The following PLCB4 variants were observed in gnomAD, a reference collection of about 807,000 sequenced individuals.
PLCB4 encodes phospholipase C beta 4.
Under a neutral mutation model 178.8 loss-of-function variants are expected in PLCB4, and 77 were observed. The observed-to-expected ratio is 0.43, with a 90% CI of 0.36 to 0.52. PLCB4 has a LOEUF of 0.52. PLCB4 is among the 20% of genes least tolerant of loss of function. The pLI is 0.00. For synonymous variants in PLCB4, 496 were observed against 490.8 expected, an observed-to-expected ratio of 1.01 and a Z score of -0.14; for missense variants, 1,024 against 1,453.4, an observed-to-expected ratio of 0.70 and a Z score of 4.80.
At position 9,184,540 on chromosome 20, in the gene PLCB4, T is replaced by G. The variant is rs1008288132; in HGVS notation, c.-78-32850T>G. ...CTATGCTCATAGGTTTTATGTTGTT[T>G]TGAAATTAAATTAATATAGAAAGGA... is the stretch of plus-strand genomic sequence containing the variant. On this transcript the variant is annotated intron_variant, in intron 2 of 39. Transcript: ENST00000378473. Among the ~76,000 whole-genome samples, 3 of 151,832 alleles carry G rather than the reference T, an allele frequency of 2.0e-5. No individual in the cohort carries two copies. In the Middle Eastern group the frequency reaches 0.01, roughly 516 times the overall value.
At chr20:9,229,379 A>C (rs2147341101) in intron 3 of PLCB4, among the ~76,000 whole-genome samples, 1 of 152,204 alleles carries the variant, frequency 6.6e-6, no homozygotes, top group Non-Finnish European at 1.5e-5. Flanking sequence ...TTGATTCAGA[A>C]ATTCTGCAAA....
intron 1 of PLCB4, among the ~76,000 whole-genome samples, chr20:9,076,583 C>G (rs1348146134): frequency 6.6e-6 from 1 of 152,332 alleles, no homozygotes; most frequent in East Asian, 1.9e-4. Flanking sequence ...TAACCAGTCA[C>G]AAGATGTCCC....
At chr20:9,380,652 G>A (rs1367827297) in intron 13 of PLCB4, among the ~76,000 whole-genome samples, 2 of 152,170 alleles carry the variant, frequency 1.3e-5, no homozygotes, top group South Asian at 2.1e-4. Context: ...GTCAGGAATC[G>A]CCTTAGCTAA....
intron 3 of PLCB4, among the ~76,000 whole-genome samples, chr20:9,246,305 C>G (rs1004200090): frequency 6.6e-6 from 1 of 152,126 alleles, no homozygotes. Flanking sequence ...TACCACTATA[C>G]ATACCTTCAA....
At chr20:9,117,162 T>C (rs146737462) in intron 2 of PLCB4, among the ~76,000 whole-genome samples, 1 of 152,332 alleles carries the variant, frequency 6.6e-6, no homozygotes, top group East Asian at 1.9e-4. Context: ...GACTATATAA[T>C]ACTTCATTCA....
intron 3 of PLCB4, among the ~76,000 whole-genome samples, chr20:9,293,589 G>A (rs2094602306): frequency 6.6e-6 from 1 of 151,842 alleles, no homozygotes; most frequent in Non-Finnish European, 1.5e-5. Flanking sequence ...ATTTGTTTTG[G>A]GGGTTGGTTG....
intron 12 of PLCB4, among the ~76,000 whole-genome samples, chr20:9,377,708 C>T (rs1382108607): frequency 6.6e-6 from 1 of 152,070 alleles, no homozygotes; most frequent in East Asian, 1.9e-4. Flanking sequence ...CTTTGTTTTG[C>T]CATAGGCAGG....
rs541663545 is a variant in PLCB4, at chr20:9,348,492, T to C, written c.369+9455T>C. 5.9e-5 allele frequency among the ~76,000 whole-genome samples: 9 copies of C among 152,234 alleles called. No individual in the cohort carries two copies. The South Asian group carries it at 1.9e-3, about 32-fold the overall frequency. On this transcript the variant is annotated intron_variant, in intron 7 of 39. Coordinates refer to ENST00000378473, the MANE Select transcript of PLCB4 (RefSeq NM_001377142.1). ...AAATTTTTTTCTCTGAGGAACCTGT[T>C]AGTTGCATGACCTGCTATGGGTGAT... is the stretch of plus-strand genomic sequence containing the variant.
intron 2 of PLCB4, among the ~76,000 whole-genome samples, chr20:9,158,384 G>C (rs1336442641): frequency 1.3e-5 from 2 of 150,996 alleles, no homozygotes; most frequent in Non-Finnish European, 2.9e-5. Flanking sequence ...TCCTCCATCA[G>C]CCTCCCAAGT....
chr20:9,080,556 T>G (rs2090094682), intron 1 of PLCB4, among the ~76,000 whole-genome samples: 1 of 152,192 alleles, frequency 6.6e-6, no homozygotes, highest in African/African-American at 2.4e-5. Flanking sequence ...GGTTTGGTTG[T>G]CCATTACTCA....
chr20:9,122,075 A>G (rs2091975923), intron 2 of PLCB4, among the ~76,000 whole-genome samples: 1 of 152,184 alleles, frequency 6.6e-6, no homozygotes, highest in Non-Finnish European at 1.5e-5. Context: ...TGGATGGACT[A>G]GCTAGTTTAA....
chr20:9,371,387 C>G (rs2036241397), intron 10 of PLCB4, 92 bp downstream of exon 10: 2 of 668,626 alleles, frequency 3.0e-6, no homozygotes, highest in South Asian at 4.0e-5. Flanking sequence ...TTAAACTGAT[C>G]TAAATTAGAT....
intron 2 of PLCB4, among the ~76,000 whole-genome samples, chr20:9,171,009 A>G (rs768281014): frequency 1.2e-4 from 18 of 152,220 alleles, no homozygotes; most frequent in Non-Finnish European, 2.4e-4. Context: ...TGACGGTACC[A>G]TGAAACTCCC....
chr20:9,331,750 A>G (rs1002927863), intron 4 of PLCB4, among the ~76,000 whole-genome samples: 20 of 152,220 alleles, frequency 1.3e-4, no homozygotes, highest in African/African-American at 4.6e-4. Flanking sequence ...GGGAAAATAT[A>G]CTAAAAATAA....
intron 4 of PLCB4, among the ~76,000 whole-genome samples, chr20:9,328,405 A>G (rs1288824563): frequency 1.3e-5 from 2 of 152,390 alleles, no homozygotes; most frequent in Non-Finnish European, 1.5e-5. Context: ...AAAAACTGTA[A>G]TAAGTACAGA....
At chr20:9,402,443 G>A (rs2039100211) in intron 20 of PLCB4, among the ~76,000 whole-genome samples, 1 of 152,200 alleles carries the variant, frequency 6.6e-6, no homozygotes, top group Admixed American at 6.5e-5. Context: ...ACTGGGTGAT[G>A]TAGGATTTTG....
At chr20:9,473,718 T>G (rs551538825) in intron 38 of PLCB4, among the ~76,000 whole-genome samples, 120 of 152,256 alleles carry the variant, frequency 7.9e-4, no homozygotes, top group Non-Finnish European at 1.2e-3. Flanking sequence ...AGGCAAGGGA[T>G]ATGATGTTTA....
intron 3 of PLCB4, among the ~76,000 whole-genome samples, chr20:9,276,825 T>G (rs1018412380): frequency 1.2e-4 from 18 of 152,010 alleles, no homozygotes; most frequent in Admixed American, 5.9e-4. Context: ...ACCTGCAGTT[T>G]CATACTTGGG....
chr20:9,360,640 C>G (rs2035241227), intron 7 of PLCB4, among the ~76,000 whole-genome samples: 1 of 152,082 alleles, frequency 6.6e-6, no homozygotes, highest in African/African-American at 2.4e-5. Flanking sequence ...TTTGTTAGGT[C>G]AATAACAGGA....
Sources: gnomAD v4.1 joint callset for allele counts (sites outside exome capture counted in the v4.1 genomes callset) on GRCh38, gnomAD v4.1.1 for gene constraint, MANE v1.5 for transcripts, NCBI Gene and HGNC (gene_info 2026-07-23, HGNC 2026-07-21) for gene names.